The following KCNH7 variants were observed in gnomAD, a reference collection of about 807,000 sequenced individuals.
The protein encoded by KCNH7 is voltage-gated inwardly rectifying potassium channel KCNH7.
A neutral mutation model predicts 120.8 loss-of-function variants in KCNH7; 49 were observed. The ratio of observed to expected loss-of-function variants is 0.41; its 90% CI spans 0.32 to 0.51. The LOEUF (loss-of-function observed/expected upper bound fraction) is 0.51. Ranked by LOEUF, KCNH7 falls within the 20% of genes least tolerant of loss-of-function variation. The pLI, the probability that KCNH7 is intolerant of heterozygous loss-of-function variation, is 0.38. For synonymous variants in KCNH7, 547 were observed against 516.1 expected (o/e 1.06, Z -0.81); for missense variants, 1,097 against 1,446.6 (o/e 0.76, Z 3.92).
intron 2 of KCNH7, among the ~76,000 whole-genome samples, chr2:162,814,459 C>A (rs899370331): frequency 6.6e-6 from 1 of 152,146 alleles, no homozygotes; most frequent in Non-Finnish European, 1.5e-5. Context: ...GGCCTCAAGT[C>A]TTCGCTTCTA....
rs948506523 is a variant in KCNH7, at chr2:162,412,848, C to T, written c.2154+10488G>A. Among the ~76,000 whole-genome samples, 18 of 152,216 alleles carry T rather than the reference C, an allele frequency of 1.2e-4. No homozygotes were observed. In the East Asian group the frequency reaches 2.5e-3, roughly 21 times the overall value. On this transcript the variant is annotated intron_variant, in intron 9 of 15. Transcript: ENST00000332142. ...ATACTAACATGGCAAGGAAGATCTCCGTGCCTATGCTCATAATTCCTAAAT... is the reference window on the plus strand; with the variant it reads ...ATACTAACATGGCAAGGAAGATCTCTGTGCCTATGCTCATAATTCCTAAAT...
At chr2:162,544,040 G>C (rs1446669389) in intron 2 of KCNH7, among the ~76,000 whole-genome samples, 1 of 152,134 alleles carries the variant, frequency 6.6e-6, no homozygotes, top group Admixed American at 6.5e-5. Flanking sequence ...ACATCAAGTA[G>C]ATTTTTGAAT....
At chr2:162,374,214 A>C (rs1256471832) in intron 14 of KCNH7, among the ~76,000 whole-genome samples, 1 of 152,166 alleles carries the variant, frequency 6.6e-6, no homozygotes, top group East Asian at 1.9e-4. Flanking sequence ...TTAAATGTTA[A>C]ATTCTTTTTC....
chr2:162,487,442 G>A (rs1421313772), intron 6 of KCNH7, among the ~76,000 whole-genome samples: 1 of 152,056 alleles, frequency 6.6e-6, no homozygotes, highest in African/African-American at 2.4e-5. Context: ...AAGATTCTCA[G>A]GCTCCACTGA....
intron 2 of KCNH7, among the ~76,000 whole-genome samples, chr2:162,743,068 TTGC>T (rs1688193411): frequency 6.6e-6 from 1 of 152,168 alleles, no homozygotes; most frequent in South Asian, 2.1e-4. Flanking sequence ...CTCTCACTAG[TTGC>T]TGCTGCTTCT....
intron 2 of KCNH7, among the ~76,000 whole-genome samples, chr2:162,824,628 T>C (rs1328113890): frequency 2.0e-5 from 3 of 152,094 alleles, no homozygotes; most frequent in Non-Finnish European, 4.4e-5. Context: ...TACTATTATA[T>C]TGGAATAAAT....
chr2:162,745,187 AG>A (rs2105418490), intron 2 of KCNH7, among the ~76,000 whole-genome samples: 1 of 152,296 alleles, frequency 6.6e-6, no homozygotes, highest in Admixed American at 6.5e-5. Context: ...TAGAGACCAG[AG>A]AGAGCATACA....
chr2:162,715,232 C>T (rs1248909113), intron 2 of KCNH7, among the ~76,000 whole-genome samples: 1 of 152,208 alleles, frequency 6.6e-6, no homozygotes, highest in South Asian at 2.1e-4. Context: ...ACAATCATGG[C>T]AGAAAGTGAA....
chr2:162,537,821 T>G (rs1460713966), intron 2 of KCNH7, among the ~76,000 whole-genome samples: 1 of 152,100 alleles, frequency 6.6e-6, no homozygotes, highest in East Asian at 1.9e-4. Context: ...TGACTCAGTT[T>G]GCAATCAACC....
At chr2:162,692,125 T>TA (rs34909806) in intron 2 of KCNH7, among the ~76,000 whole-genome samples, 1 of 91,034 alleles carries the variant, frequency 1.1e-5, no homozygotes, top group African/African-American at 3.7e-5. Context: ...CAACATTGAG[T>TA]TTTTTTTTTT....
At position 162,659,465 on chromosome 2, in the gene KCNH7, G is replaced by A. The variant is rs567916232; in HGVS notation, c.308-122385C>T. Among the ~76,000 whole-genome samples the A allele has an allele frequency of 9.9e-5, 15 of 151,082 alleles. 1 individual carries two copies. Among genetic ancestry groups the A allele is most frequent in the East Asian group, 3.9e-4 (2 of 5,122 alleles). On this transcript the variant is annotated intron_variant, in intron 2 of 15. Transcript: ENST00000332142. ...CAAGCAATTCTCCTGCCTCAGCCTC[G>A]TGAGTACCTGGGATTACAGGCATGC...
intron 2 of KCNH7, among the ~76,000 whole-genome samples, chr2:162,597,500 G>T (rs1251897019): frequency 6.6e-6 from 1 of 152,060 alleles, no homozygotes; most frequent in Admixed American, 6.6e-5. Context: ...ACTTATAGAA[G>T]TAGAGAGTAG....
chr2:162,779,179 A>T (rs571719221), intron 2 of KCNH7, among the ~76,000 whole-genome samples: 22 of 151,600 alleles, frequency 1.5e-4, no homozygotes, highest in South Asian at 8.4e-4. Flanking sequence ...GCCAGTCTTA[A>T]TTTTTTTTGT....
chr2:162,403,238 C>A (rs1687114985), intron 9 of KCNH7, among the ~76,000 whole-genome samples: 1 of 151,924 alleles, frequency 6.6e-6, no homozygotes, highest in Non-Finnish European at 1.5e-5. Context: ...TGTCTTTGGT[C>A]TGCCTGATAG....
At chr2:162,623,292 CTGTT>C (rs1230480506) in intron 2 of KCNH7, among the ~76,000 whole-genome samples, 2 of 152,134 alleles carry the variant, frequency 1.3e-5, no homozygotes, top group African/African-American at 2.4e-5. Context: ...TTTCAAAAAA[CTGTT>C]TGCCTAGAGA....
rs2105784641 is a variant in KCNH7, at chr2:162,517,769, GGACGCC to G, written c.847_852del (p.Gly283_Val284del). 1 of 1,585,166 alleles carries G rather than the reference GGACGCC, an allele frequency of 6.3e-7. No individual in the cohort carries two copies. Among genetic ancestry groups the G allele is most frequent in the East Asian group, 2.3e-5 (1 of 43,970 alleles). On this transcript the variant is annotated inframe_deletion, in exon 4 of 16. Coordinates refer to ENST00000332142, the MANE Select transcript of KCNH7 (RefSeq NM_033272.4). ...CGGTCTCTAAATATGTTCTTGGGGT[GGACGCC>G]GAATCCTTCTATATCATGGACCGAA... is the stretch of plus-strand genomic sequence containing the variant.
chr2:162,672,372 A>G lies in KCNH7; in HGVS notation c.308-135292T>C, dbSNP rs75769187. ...AAAGAAACAACTTGAAGATGATCAAATACTTGAAAATTTTAGAAACACACT... is the reference window on the plus strand; with the variant it reads ...AAAGAAACAACTTGAAGATGATCAAGTACTTGAAAATTTTAGAAACACACT... On this transcript the variant is annotated intron_variant, in intron 2 of 15. Transcript: ENST00000332142. Among the ~76,000 whole-genome samples the G allele has an allele frequency of 5.3e-3, 804 of 152,174 alleles. 8 individuals are homozygous for G. The highest frequency in any genetic ancestry group is 0.044 in the South Asian group (211 of 4,826).
intron 2 of KCNH7, among the ~76,000 whole-genome samples, chr2:162,572,634 C>T (rs1693523012): frequency 8.3e-6 from 1 of 119,858 alleles, no homozygotes; most frequent in Admixed American, 9.8e-5. Flanking sequence ...ATAGCAAAGA[C>T]TTGGAACCAA....
At chr2:162,640,132 T>C (rs1000753092) in intron 2 of KCNH7, among the ~76,000 whole-genome samples, 8 of 152,192 alleles carry the variant, frequency 5.3e-5, no homozygotes, top group African/African-American at 1.9e-4. Flanking sequence ...CAAATTGCTA[T>C]ACCGGTTTAA....
Sources: allele counts gnomAD v4.1 joint callset (sites outside exome capture counted in the v4.1 genomes callset), GRCh38; gene constraint gnomAD v4.1.1; transcripts MANE v1.5; gene names NCBI Gene and HGNC (gene_info 2026-07-23, HGNC 2026-07-21).